Variants in LRRC75A observed in about 807,000 individuals in gnomAD.
LRRC75A encodes the protein leucine rich repeat containing 75A.
A neutral mutation model predicts 26.0 loss-of-function variants in LRRC75A; 12 were observed. The ratio of observed to expected loss-of-function variants is 0.46; its 90% CI spans 0.30 to 0.75. The LOEUF is 0.75. LRRC75A is among the 30% of genes least tolerant of loss of function. The pLI, the probability that LRRC75A is intolerant of heterozygous loss-of-function variation, is 0.08. For missense variants in LRRC75A, 410 were observed against 486.6 expected (o/e 0.84, Z 1.48); for synonymous variants, 223 against 219.3 (o/e 1.02, Z -0.15).
At chr17:16,485,434 G>T (rs563283891) in intron 1 of LRRC75A, among the ~76,000 whole-genome samples, 1 of 152,136 alleles carries the variant, frequency 6.6e-6, no homozygotes, top group African/African-American at 2.4e-5. Flanking sequence ...AGAATGCAGC[G>T]AGAGGGTACC....
At chr17:16,458,773 C>A (rs1485423975) in intron 2 of LRRC75A, among the ~76,000 whole-genome samples, 1 of 152,124 alleles carries the variant, frequency 6.6e-6, no homozygotes, top group Non-Finnish European at 1.5e-5. Flanking sequence ...GACTGGCAGA[C>A]CTGCCAACTT....
intron 2 of LRRC75A, among the ~76,000 whole-genome samples, chr17:16,449,508 C>T (rs1358807858): frequency 6.6e-6 from 1 of 152,218 alleles, no homozygotes; most frequent in Non-Finnish European, 1.5e-5. Flanking sequence ...TCTCCAGGCA[C>T]ACTCTAAGTG....
At position 16,443,717 on chromosome 17, in the gene LRRC75A, A is replaced by C. The variant is rs778211577; in HGVS notation, c.906T>G (p.Gly302=). 4.3e-6 allele frequency: 7 copies of C among 1,613,028 alleles called. No individual in the cohort carries two copies. Among genetic ancestry groups the C allele is most frequent in the Admixed American group, 3.3e-5 (2 of 59,868 alleles). ...CCTCCTCCCCACTGCCTGGGCCCTCACCCAGCTCCAGGATGGTGGGTAGGT... is the reference window on the plus strand; with the variant it reads ...CCTCCTCCCCACTGCCTGGGCCCTCCCCCAGCTCCAGGATGGTGGGTAGGT... The part of the protein sequence containing the change: ...QGHLPTILEL[G]EGPGSGEEVR... Residue 302 remains glycine, a synonymous_variant, in exon 4 of 4, where the codon GGT becomes GGG. Transcript: ENST00000470794.
chr17:16,447,877 G>A lies in LRRC75A; in HGVS notation c.459C>T (p.His153=), dbSNP rs775839843. The A allele has an allele frequency of 3.9e-6, 6 of 1,549,458 alleles. No homozygotes were observed. Among genetic ancestry groups the A allele is most frequent in the Non-Finnish European group, 5.2e-6 (6 of 1,146,456 alleles). The change falls in exon 3 of 4, where the codon CAC becomes CAT. Residue 153 remains histidine (H), a synonymous_variant. Coordinates refer to ENST00000470794, the MANE Select transcript of LRRC75A (RefSeq NM_001113567.3). ...GTGGCTTCCTTTTCACCAGCCCCCG[G>A]TGCCGCCTCCACTGGGAGTGGGGGC... ...HLSPHSQWRR[H]RGLVKRKPQA...
At chr17:16,479,474 C>T (rs2093828554) in intron 1 of LRRC75A, among the ~76,000 whole-genome samples, 1 of 152,232 alleles carries the variant, frequency 6.6e-6, no homozygotes, top group African/African-American at 2.4e-5. Context: ...ACAAGGGTGT[C>T]TGAGCGGGGC....
chr17:16,476,897 C>T (rs1377620881), intron 1 of LRRC75A, among the ~76,000 whole-genome samples: 1 of 152,022 alleles, frequency 6.6e-6, no homozygotes. Flanking sequence ...CACCACCACG[C>T]CTGGCTAATT....
rs749456380 is a variant in LRRC75A, at chr17:16,491,864, G to A, written c.127C>T (p.Arg43Cys). 2 of 1,387,446 alleles carry A rather than the reference G, an allele frequency of 1.4e-6. No homozygotes were observed. The highest frequency in any genetic ancestry group is 1.5e-5 in the South Asian group (1 of 66,168). The allele number at this position is 1,387,446 out of a possible 1,614,324, so 85.9% of individuals were successfully genotyped here. ...TAGGGGGGCATCCCCGCGCCCGCGC[G>A]CCCCGCCTTGTCCCCGGCGCGCAGC... ...LLLRAGDKAGRAGAGMPPYHR... is the reference protein window; with the variant it reads ...LLLRAGDKAGCAGAGMPPYHR... The change falls in exon 1 of 4, where the codon CGC (arginine) becomes TGC (cysteine). Residue 43 changes from arginine (R) to cysteine (C), a missense_variant. Coordinates refer to ENST00000470794, the MANE Select transcript of LRRC75A (RefSeq NM_001113567.3). This position sits in a 1 kb window ranked among gnomAD's most constrained non-coding sequence, Gnocchi z 5.9.
intron 2 of LRRC75A, among the ~76,000 whole-genome samples, chr17:16,453,469 A>C (rs755638648): frequency 2.0e-5 from 3 of 152,092 alleles, no homozygotes; most frequent in Non-Finnish European, 4.4e-5. Context: ...TACCAGGGAG[A>C]ACTGAGGAGC....
intron 1 of LRRC75A, among the ~76,000 whole-genome samples, chr17:16,488,206 C>T (rs1053088491): frequency 2.0e-5 from 3 of 152,224 alleles, no homozygotes; most frequent in Non-Finnish European, 2.9e-5. Flanking sequence ...AGGGGAAGGA[C>T]ATCTGGGGAA....
At position 16,491,147 on chromosome 17, in the gene LRRC75A, A is replaced by G. The variant is rs1304876243; in HGVS notation, c.246+598T>C. ...CACCAAATCCAGCTCCCCTGTCTCT[A>G]CCGCTTTCCGCAGGGGCTCATGGTT... On this transcript the variant is annotated intron_variant, in intron 1 of 3. Coordinates refer to ENST00000470794, the MANE Select transcript of LRRC75A (RefSeq NM_001113567.3). The surrounding 1 kb of genome is among the most constrained non-coding windows in gnomAD (Gnocchi z 5.9). 6.6e-6 allele frequency among the ~76,000 whole-genome samples: 1 copy of G among 152,224 alleles called. No individual in the cohort carries two copies. Among genetic ancestry groups the G allele is most frequent in the African/African-American group, 2.4e-5 (1 of 41,460 alleles).
rs1366158045 is a variant in LRRC75A, at chr17:16,447,836, G to T, written c.491+9C>A. ...CTGGCATAGACCTGCCCGGGGGAGT[G>T]TAACTCACCAGGCCTGTGGCTTCCT... On this transcript the variant is annotated intron_variant, in intron 3 of 3. Coordinates refer to ENST00000470794, the MANE Select transcript of LRRC75A (RefSeq NM_001113567.3). 8 of 1,531,060 alleles carry T rather than the reference G, an allele frequency of 5.2e-6. No individual in the cohort carries two copies. The East Asian group carries it at 2.0e-4, about 38-fold the overall frequency. The allele number at this position is 1,531,060 out of a possible 1,614,324, so 94.8% of individuals were successfully genotyped here. A position where few individuals can be genotyped will look rare whatever the true frequency, so the allele number is the denominator to read the frequency against.
chr17:16,462,396 C>G lies in LRRC75A; in HGVS notation c.247-10G>C. On this transcript the variant is annotated splice_polypyrimidine_tract_variant and intron_variant, in intron 1 of 3. Transcript: ENST00000470794. The surrounding 1 kb of genome is among the most constrained non-coding windows in gnomAD (Gnocchi z 4.6). ...ACTCCATGCCCAGGTCCTGCAAGAG[C>G]AAAGGATGCCCAGAGGTCAGGGCTG... is the stretch of plus-strand genomic sequence containing the variant. The G allele has an allele frequency of 6.2e-7, 1 of 1,613,736 alleles. No individual in the cohort carries two copies. Among genetic ancestry groups the G allele is most frequent in the East Asian group, 2.2e-5 (1 of 44,884 alleles).
chr17:16,485,246 G>A (rs2093843739), intron 1 of LRRC75A, among the ~76,000 whole-genome samples: 2 of 152,194 alleles, frequency 1.3e-5, no homozygotes, highest in African/African-American at 4.8e-5. Context: ...CTGAAAGTTT[G>A]CGTCCCCTCC....
chr17:16,448,019 C>G (rs1488466454), intron 2 of LRRC75A, 59 bp from the exon 3 acceptor site: 1 of 1,428,240 alleles, frequency 7.0e-7, no homozygotes, highest in Non-Finnish European at 9.6e-7. Flanking sequence ...AGTCTCAGCC[C>G]CCAGGCTTCC....
chr17:16,481,033 G>A (rs62076302), intron 1 of LRRC75A, among the ~76,000 whole-genome samples: 1 of 152,238 alleles, frequency 6.6e-6, no homozygotes, highest in Non-Finnish European at 1.5e-5. Flanking sequence ...AGCTCTGACT[G>A]CAGCAGGTCT....
At chr17:16,448,009 A>C (rs1262264970) in intron 2 of LRRC75A, 49 bp from the exon 3 acceptor site, 1 of 1,469,614 alleles carries the variant, frequency 6.8e-7, no homozygotes, top group Admixed American at 2.0e-5. Flanking sequence ...TGGGTGCACC[A>C]GTCTCAGCCC....
In LRRC75A at chr17:16,443,624, A is replaced by G. The variant is rs1024076910; in HGVS notation, c.999T>C (p.His333=). 1.9e-6 allele frequency: 3 copies of G among 1,546,122 alleles called. No homozygotes were observed. Among genetic ancestry groups the G allele is most frequent in the Non-Finnish European group, 2.6e-6 (3 of 1,142,606 alleles). The stretch of plus-strand genomic sequence containing the variant: ...CTGCAGCTACAGTCTCCTTGCCCTC[A>G]TGGTGGTCTTCGGCAGGTGCCACAG... The part of the protein sequence containing the change: ...GGPVAPAEDH[H]EGKETVAAAQ... Residue 333 remains histidine (H), a synonymous_variant, in exon 4 of 4, where the codon CAT becomes CAC. Transcript: ENST00000470794.
intron 1 of LRRC75A, among the ~76,000 whole-genome samples, chr17:16,466,971 T>TGCGACA (rs768282108): frequency 1.6e-3 from 241 of 152,234 alleles, no homozygotes; most frequent in Non-Finnish European, 3.0e-3. Context: ...TCTTCATAGA[T>TGCGACA]GTCAATTAAA....
intron 1 of LRRC75A, among the ~76,000 whole-genome samples, chr17:16,476,884 G>C (rs11867677): frequency 4.6e-5 from 7 of 151,428 alleles, no homozygotes; most frequent in Non-Finnish European, 5.9e-5. Flanking sequence ...GACCACAGGC[G>C]CCCACCACCA....
Sources: allele counts gnomAD v4.1 joint callset (sites outside exome capture counted in the v4.1 genomes callset), GRCh38; gene constraint gnomAD v4.1.1; non-coding constraint Gnocchi (gnomAD v3.1); transcripts MANE v1.5; gene names NCBI Gene and HGNC (gene_info 2026-07-23, HGNC 2026-07-21).